The following TC2N variants were observed in gnomAD, a reference collection of about 807,000 sequenced individuals.
TC2N encodes the protein tandem C2 domains nuclear protein.
In TC2N, 51 loss-of-function variants were observed where a neutral mutation model predicts 61.9. The ratio of observed to expected loss-of-function variants is 0.82; its 90% CI spans 0.66 to 1.04. The LOEUF (loss-of-function observed/expected upper bound fraction) is 1.04, where lower values mean the gene tolerates loss of function less well. Among genes scored for constraint, TC2N ranks in the 50% least tolerant of loss-of-function variants. The pLI, the probability that TC2N is intolerant of heterozygous loss-of-function variation, is 0.00. For synonymous variants in TC2N, 204 were observed against 192.6 expected, an observed-to-expected ratio of 1.06 and a Z score of -0.49; for missense variants, 556 against 566.7, an observed-to-expected ratio of 0.98 and a Z score of 0.19.
chr14:91,824,639 G>A (rs77066462), intron 1 of TC2N, among the ~76,000 whole-genome samples: 2 of 152,156 alleles, frequency 1.3e-5, no homozygotes, highest in South Asian at 4.1e-4. Context: ...GACAAAATAG[G>A]GAACAAGACA....
chr14:91,864,305 G>T (rs1020886989), intron 1 of TC2N, among the ~76,000 whole-genome samples: 1 of 152,150 alleles, frequency 6.6e-6, no homozygotes, highest in African/African-American at 2.4e-5. Context: ...TCAAGATTTC[G>T]CTTTATTTCC....
intron 1 of TC2N, among the ~76,000 whole-genome samples, chr14:91,841,995 G>C: frequency 3.2e-5 from 1 of 30,964 alleles, no homozygotes; most frequent in African/African-American, 1.2e-4. Context: ...TTTTTTTTTT[G>C]AGACAGGGTC....
intron 1 of TC2N, among the ~76,000 whole-genome samples, chr14:91,814,817 T>C (rs1595249117): frequency 6.6e-6 from 1 of 151,634 alleles, no homozygotes; most frequent in South Asian, 2.1e-4. Flanking sequence ...AGATCTGCAG[T>C]ACTCTTGAGA....
intron 1 of TC2N, chr14:91,836,577 A>AGGCGAGGCACGGCGGGGAGG (rs1888020206): frequency 2.5e-5 from 2 of 80,782 alleles, no homozygotes; most frequent in Non-Finnish European, 5.6e-5. Context: ...CTAAGGGGCG[A>AGGCGAGGCACGGCGGGGAGG]GGCGAGGCAA....
At chr14:91,803,109 T>C (rs755368413) in intron 3 of TC2N, among the ~76,000 whole-genome samples, 16 of 152,028 alleles carry the variant, frequency 1.1e-4, no homozygotes, top group Non-Finnish European at 1.9e-4. Flanking sequence ...ACTTTATAAT[T>C]AAGGTGGCAC....
At chr14:91,834,506 G>A (rs1415190666) in intron 1 of TC2N, among the ~76,000 whole-genome samples, 1 of 150,490 alleles carries the variant, frequency 6.6e-6, no homozygotes, top group Admixed American at 6.6e-5. Flanking sequence ...TCAATGGATC[G>A]CCTCTCCTTC....
At chr14:91,792,035 C>T (rs971493832) in intron 9 of TC2N, among the ~76,000 whole-genome samples, 23 of 151,972 alleles carry the variant, frequency 1.5e-4, no homozygotes, top group Admixed American at 1.2e-3. Context: ...GGGAGAATGG[C>T]GTGAACCCAG....
rs141953127 is a variant in TC2N, at chr14:91,833,519, T to C, written c.-56-19694A>G. Among the ~76,000 whole-genome samples the C allele has an allele frequency of 2.0e-3, 305 of 152,220 alleles. 1 individual carries two copies. The highest frequency in any genetic ancestry group is 3.4e-3 in the Non-Finnish European group (232 of 68,002). ...AGTGACATACATACATATAAATACA[T>C]ACACACACATTGGTAGAAGCATCAT... On this transcript the variant is annotated intron_variant, in intron 1 of 11. Coordinates refer to ENST00000435962, the MANE Select transcript of TC2N (RefSeq NM_001128596.3).
intron 1 of TC2N, among the ~76,000 whole-genome samples, chr14:91,819,005 A>G (rs183253467): frequency 6.6e-6 from 1 of 152,234 alleles, no homozygotes; most frequent in Non-Finnish European, 1.5e-5. Flanking sequence ...ATAACTACAA[A>G]CCACAGATCT....
At chr14:91,821,324 T>C (rs996805657) in intron 1 of TC2N, among the ~76,000 whole-genome samples, 6 of 152,074 alleles carry the variant, frequency 3.9e-5, no homozygotes, top group African/African-American at 1.4e-4. Context: ...CTTACATTTA[T>C]AGTCAATTGA....
intron 2 of TC2N, 52 bp from the exon 3 acceptor site, chr14:91,812,597 A>G (rs1400140808): frequency 2.0e-5 from 18 of 893,452 alleles, no homozygotes; most frequent in Non-Finnish European, 2.6e-5. Flanking sequence ...GTTACATATA[A>G]TAATCTAAAC....
intron 8 of TC2N, 43 bp from the exon 9 acceptor site, chr14:91,792,601 G>T: frequency 2.1e-6 from 2 of 944,614 alleles, no homozygotes; most frequent in South Asian, 2.3e-5. Context: ...TAAATAAAAG[G>T]CTTATATGCC....
At chr14:91,812,198 T>A (rs904488860) in intron 3 of TC2N, 114 bp downstream of exon 3, 1 of 514,440 alleles carries the variant, frequency 1.9e-6, no homozygotes, top group Non-Finnish European at 3.1e-6. Context: ...GAGCAAAATA[T>A]AAAAAGTAAA....
chr14:91,850,049 C>A (rs1409899854), intron 1 of TC2N, among the ~76,000 whole-genome samples: 14 of 118,138 alleles, frequency 1.2e-4, no homozygotes, highest in African/African-American at 3.6e-4. Flanking sequence ...AACTCCATCT[C>A]AAAAAAAAAA....
intron 1 of TC2N, among the ~76,000 whole-genome samples, chr14:91,827,196 T>C (rs143527308): frequency 1.3e-5 from 2 of 152,374 alleles, no homozygotes; most frequent in African/African-American, 4.8e-5. Context: ...TCTTCATTTT[T>C]TTCCCTCCAA....
intron 1 of TC2N, among the ~76,000 whole-genome samples, chr14:91,860,458 T>C (rs1184889680): frequency 6.6e-6 from 1 of 152,222 alleles, no homozygotes; most frequent in Non-Finnish European, 1.5e-5. Context: ...GGATTCAGCA[T>C]TCAAATCCCC....
intron 1 of TC2N, among the ~76,000 whole-genome samples, chr14:91,847,008 A>G (rs1469774330): frequency 2.6e-5 from 4 of 152,226 alleles, no homozygotes; most frequent in Non-Finnish European, 5.9e-5. Flanking sequence ...CTATAATCCC[A>G]ACTCTTTGGG....
chr14:91,833,208 T>C (rs1005404694), intron 1 of TC2N, among the ~76,000 whole-genome samples: 34 of 152,244 alleles, frequency 2.2e-4, no homozygotes, highest in African/African-American at 7.2e-4. Flanking sequence ...TCTGTAGATG[T>C]GTCAAAAGTA....
In TC2N at chr14:91,780,105, T is replaced by C. The variant is rs1885021015; in HGVS notation, c.*2995A>G. On this transcript the variant is annotated 3_prime_UTR_variant, in exon 12 of 12. Coordinates refer to ENST00000435962, the MANE Select transcript of TC2N (RefSeq NM_001128596.3). ...TTACAGCTTATGCACCAAGATAACATTAGAAAGTGTCTTCAGACATTTTAT... is the reference window on the plus strand; with the variant it reads ...TTACAGCTTATGCACCAAGATAACACTAGAAAGTGTCTTCAGACATTTTAT... 1 of 152,182 alleles carries C rather than the reference T, an allele frequency of 6.6e-6. No homozygotes were observed. The highest frequency in any genetic ancestry group is 2.4e-5 in the African/African-American group (1 of 41,442). 9.4% of individuals were successfully genotyped at this position (152,182 alleles called of 1,614,324 possible).
Sources: allele counts gnomAD v4.1 joint callset (sites outside exome capture counted in the v4.1 genomes callset), GRCh38; gene constraint gnomAD v4.1.1; transcripts MANE v1.5; gene names NCBI Gene and HGNC (gene_info 2026-07-23, HGNC 2026-07-21).